The following AKAP6 variants were observed in gnomAD, a reference collection of about 807,000 sequenced individuals.
The protein encoded by AKAP6 is A-kinase anchor protein 6.
AKAP6 carries 58 observed loss-of-function variants against 188.5 expected under a neutral mutation model. The observed-to-expected ratio is 0.31, with a 90% CI of 0.25 to 0.38. AKAP6 has a LOEUF of 0.38. Among genes scored for constraint, AKAP6 ranks in the 10% least tolerant of loss-of-function variants. The pLI is 1.00. For synonymous variants in AKAP6, 989 were observed against 998.6 expected, an observed-to-expected ratio of 0.99 and a Z score of 0.18; for missense variants, 2,710 against 2,740.0, an observed-to-expected ratio of 0.99 and a Z score of 0.24.
chr14:32,775,281 A>G (rs1299666136), intron 12 of AKAP6, among the ~76,000 whole-genome samples: 1 of 151,250 alleles, frequency 6.6e-6, no homozygotes, highest in Admixed American at 6.6e-5. Context: ...TATATGCAAA[A>G]ATCAACTGCA....
chr14:32,612,981 T>G (rs77029322), intron 7 of AKAP6, among the ~76,000 whole-genome samples: 352 of 152,352 alleles, frequency 2.3e-3, no homozygotes, highest in Non-Finnish European at 3.4e-3. Context: ...TATCAAAGTC[T>G]AATTTCTGAC....
At chr14:32,669,732 C>A (rs1171573850) in intron 7 of AKAP6, among the ~76,000 whole-genome samples, 1 of 152,120 alleles carries the variant, frequency 6.6e-6, no homozygotes, top group Non-Finnish European at 1.5e-5. Context: ...AGGAAACTTA[C>A]AATCATGGCA....
At chr14:32,774,846 T>C (rs75826885) in intron 12 of AKAP6, among the ~76,000 whole-genome samples, 4,036 of 152,264 alleles carry the variant, frequency 0.027, 174 homozygotes, top group African/African-American at 0.091. Context: ...GGATCCAAAA[T>C]TGAAAAATCA....
intron 2 of AKAP6, among the ~76,000 whole-genome samples, chr14:32,449,504 G>A (rs12323800): frequency 4.7e-4 from 64 of 136,716 alleles, no homozygotes; most frequent in African/African-American, 1.6e-3. Flanking sequence ...CCTGGGCAAT[G>A]GAGCTAGACT....
At chr14:32,623,039 A>G (rs1280001524) in intron 7 of AKAP6, among the ~76,000 whole-genome samples, 1 of 152,056 alleles carries the variant, frequency 6.6e-6, no homozygotes, top group African/African-American at 2.4e-5. Context: ...CGCACAGGCC[A>G]TGCCTTCCAC....
intron 1 of AKAP6, chr14:32,385,109 C>T (rs1223740965): frequency 6.6e-6 from 1 of 151,076 alleles, no homozygotes; most frequent in African/African-American, 2.4e-5. Flanking sequence ...TTGGCCTTCA[C>T]CTTCAATAAG....
chr14:32,549,048 A>C (rs1232262437), intron 4 of AKAP6, among the ~76,000 whole-genome samples: 1 of 152,222 alleles, frequency 6.6e-6, no homozygotes, highest in Admixed American at 6.5e-5. Context: ...AAGAGGAAAA[A>C]GTTATCAAAT....
intron 12 of AKAP6, among the ~76,000 whole-genome samples, chr14:32,806,317 C>A (rs1234613844): frequency 4.6e-5 from 7 of 152,196 alleles, no homozygotes; most frequent in Admixed American, 4.6e-4. Context: ...CTGTTAGATA[C>A]TTGATAGGTG....
Position 32,830,077 on chromosome 14 carries a change from T to C in AKAP6, c.*272T>C, listed in dbSNP as rs2034789861. ...CTGCTTGTTCTCCCATGGATTCCTGTCCCAAGCTACCTCTACCAACCCTCT... is the reference window on the plus strand; with the variant it reads ...CTGCTTGTTCTCCCATGGATTCCTGCCCCAAGCTACCTCTACCAACCCTCT... On this transcript the variant is annotated 3_prime_UTR_variant, in exon 14 of 14. Coordinates refer to ENST00000280979, the MANE Select transcript of AKAP6 (RefSeq NM_004274.5). 1.5e-6 allele frequency: 1 copy of C among 664,152 alleles called. No homozygotes were observed. The highest frequency in any genetic ancestry group is 2.7e-6 in the Non-Finnish European group (1 of 364,728). 41.1% of individuals were successfully genotyped at this position (664,152 alleles called of 1,614,324 possible).
chr14:32,655,076 T>G (rs1888400587), intron 7 of AKAP6, among the ~76,000 whole-genome samples: 1 of 152,178 alleles, frequency 6.6e-6, no homozygotes, highest in Non-Finnish European at 1.5e-5. Context: ...AATAAGATAT[T>G]AATGAGTAAA....
intron 4 of AKAP6, among the ~76,000 whole-genome samples, chr14:32,551,809 G>A (rs970571817): frequency 4.7e-5 from 7 of 149,500 alleles, no homozygotes; most frequent in Admixed American, 1.3e-4. Flanking sequence ...ACAGGTGCCT[G>A]CCACCACACC....
Position 32,835,505 on chromosome 14 carries a change from G to A in AKAP6, c.*5700G>A, listed in dbSNP as rs12433255. 58,653 of 151,998 alleles carry A rather than the reference G, an allele frequency of 0.39. 12,535 individuals are homozygous for A. The highest frequency in any genetic ancestry group is 0.48 in the Non-Finnish European group (32,835 of 67,964). 9.4% of individuals were successfully genotyped at this position (151,998 alleles called of 1,614,324 possible). A position where few individuals can be genotyped will look rare whatever the true frequency, so the allele number is the denominator to read the frequency against. On this transcript the variant is annotated 3_prime_UTR_variant, in exon 14 of 14. Coordinates refer to ENST00000280979, the MANE Select transcript of AKAP6 (RefSeq NM_004274.5). ...GACACAAACTCACTTCCATGCACCA[G>A]TAAACTGGAATCCTTTCTTTAAATG... is the stretch of plus-strand genomic sequence containing the variant.
At chr14:32,730,721 A>G (rs1224206993) in intron 9 of AKAP6, among the ~76,000 whole-genome samples, 1 of 152,186 alleles carries the variant, frequency 6.6e-6, no homozygotes, top group African/African-American at 2.4e-5. Context: ...GGTTCCCCCA[A>G]TATTATGTGG....
intron 1 of AKAP6, among the ~76,000 whole-genome samples, chr14:32,398,198 T>C (rs1359237773): frequency 6.6e-6 from 1 of 152,240 alleles, no homozygotes; most frequent in Non-Finnish European, 1.5e-5. Flanking sequence ...CTGGGAGTGC[T>C]CCCATGCTTT....
At chr14:32,506,972 T>C (rs1880912043) in intron 2 of AKAP6, among the ~76,000 whole-genome samples, 1 of 152,136 alleles carries the variant, frequency 6.6e-6, no homozygotes, top group Non-Finnish European at 1.5e-5. Flanking sequence ...GGTAAATGCT[T>C]AAAAATCATT....
At chr14:32,368,438 A>G (rs1308568761) in intron 1 of AKAP6, among the ~76,000 whole-genome samples, 3 of 152,198 alleles carry the variant, frequency 2.0e-5, no homozygotes, top group Non-Finnish European at 4.4e-5. Context: ...GATGAGTATT[A>G]GTCTAGGAGA....
At chr14:32,678,739 A>G (rs948254598) in intron 8 of AKAP6, among the ~76,000 whole-genome samples, 2 of 152,172 alleles carry the variant, frequency 1.3e-5, no homozygotes, top group African/African-American at 2.4e-5. Context: ...TGCCTTTAGT[A>G]TTGATCTGTC....
intron 2 of AKAP6, among the ~76,000 whole-genome samples, chr14:32,459,317 C>G (rs1402196935): frequency 6.6e-6 from 1 of 151,962 alleles, no homozygotes; most frequent in African/African-American, 2.4e-5. Context: ...GGTCATACAG[C>G]TGTTTATGAA....
intron 4 of AKAP6, among the ~76,000 whole-genome samples, chr14:32,558,869 A>G (rs950643497): frequency 6.6e-6 from 1 of 152,078 alleles, no homozygotes; most frequent in Non-Finnish European, 1.5e-5. Context: ...TACACATGCC[A>G]CTTTTGCTCG....
Sources: allele counts gnomAD v4.1 joint callset (sites outside exome capture counted in the v4.1 genomes callset), GRCh38; gene constraint gnomAD v4.1.1; transcripts MANE v1.5; gene names NCBI Gene and HGNC (gene_info 2026-07-23, HGNC 2026-07-21).